FOXO1: variants seen among roughly 807,000 people sequenced by gnomAD.
The protein encoded by FOXO1 is forkhead box protein O1.
A neutral mutation model predicts 44.1 loss-of-function variants in FOXO1; 6 were observed. The observed-to-expected ratio is 0.14, with a 90% CI of 0.07 to 0.27. The LOEUF (loss-of-function observed/expected upper bound fraction) is 0.27, where lower values mean the gene tolerates loss of function less well. Among genes scored for constraint, FOXO1 ranks in the 10% least tolerant of loss-of-function variants. The pLI, the probability that FOXO1 is intolerant of heterozygous loss-of-function variation, is 1.00. For missense variants in FOXO1, 737 were observed against 888.8 expected (o/e 0.83, Z 2.17); for synonymous variants, 380 against 362.7 (o/e 1.05, Z -0.54).
chr13:40,666,371 T>A lies in FOXO1; in HGVS notation c.-159A>T. Reference sequence around the variant, plus strand: ...AAACTGGGAGGAAGGCGCGGCGGAGTGGAAGCGCGAGCCCAGAACTTAACT... The same window carrying A: ...AAACTGGGAGGAAGGCGCGGCGGAGAGGAAGCGCGAGCCCAGAACTTAACT... On this transcript the variant is annotated 5_prime_UTR_variant, in exon 1 of 3. Transcript: ENST00000379561. The A allele has an allele frequency of 1.9e-6, 1 of 530,046 alleles. No individual in the cohort carries two copies. The highest frequency in any genetic ancestry group is 3.5e-5 in the East Asian group (1 of 28,234). 32.8% of individuals were successfully genotyped at this position (530,046 alleles called of 1,614,324 possible).
intron 1 of FOXO1, among the ~76,000 whole-genome samples, chr13:40,615,073 G>A (rs922432475): frequency 1.3e-5 from 2 of 152,186 alleles, no homozygotes; most frequent in African/African-American, 4.8e-5. Flanking sequence ...TGCAGAGGTA[G>A]ATAAAATGCA....
intron 1 of FOXO1, chr13:40,619,457 T>C: frequency 4.0e-6 from 5 of 1,246,610 alleles, no homozygotes; most frequent in Non-Finnish European, 5.8e-6. Context: ...TGGAGAGCTG[T>C]GAGTCGAACA....
intron 1 of FOXO1, among the ~76,000 whole-genome samples, chr13:40,589,877 G>A (rs1305414958): frequency 6.6e-6 from 1 of 152,220 alleles, no homozygotes. Flanking sequence ...ACTCAAGCAT[G>A]ACTGGACAAG....
At chr13:40,578,247 C>T (rs1457848558) in intron 1 of FOXO1, among the ~76,000 whole-genome samples, 1 of 152,126 alleles carries the variant, frequency 6.6e-6, no homozygotes, top group Non-Finnish European at 1.5e-5. Flanking sequence ...TTTCTTAAGT[C>T]CATCCCTAAG....
intron 1 of FOXO1, among the ~76,000 whole-genome samples, chr13:40,603,472 G>A (rs1259926129): frequency 6.6e-6 from 1 of 151,550 alleles, no homozygotes; most frequent in African/African-American, 2.4e-5. Flanking sequence ...ATGTGTGTGT[G>A]TACATATATA....
At chr13:40,634,676 T>C (rs1359444074) in intron 1 of FOXO1, among the ~76,000 whole-genome samples, 1 of 151,482 alleles carries the variant, frequency 6.6e-6, no homozygotes, top group African/African-American at 2.4e-5. Context: ...CAAAGGTGGC[T>C]TTAGTACTTT....
intron 1 of FOXO1, among the ~76,000 whole-genome samples, chr13:40,663,162 C>T (rs1456563568): frequency 6.6e-6 from 1 of 151,054 alleles, no homozygotes; most frequent in Non-Finnish European, 1.5e-5. Context: ...CAAGGGCCTC[C>T]AATTCCAGAC....
intron 1 of FOXO1, among the ~76,000 whole-genome samples, chr13:40,624,969 G>C (rs774863775): frequency 2.5e-4 from 38 of 152,150 alleles, no homozygotes; most frequent in Non-Finnish European, 4.0e-4. Flanking sequence ...CATGGTTTTG[G>C]ATGCTAGGTA....
chr13:40,586,867 T>A (rs1018927230), intron 1 of FOXO1, among the ~76,000 whole-genome samples: 31 of 152,208 alleles, frequency 2.0e-4, no homozygotes, highest in African/African-American at 7.0e-4. Flanking sequence ...ATTTAGATTA[T>A]GTTTACAGCC....
At chr13:40,651,656 C>A (rs1877692024) in intron 1 of FOXO1, among the ~76,000 whole-genome samples, 1 of 151,570 alleles carries the variant, frequency 6.6e-6, no homozygotes, top group African/African-American at 2.4e-5. Context: ...ACATGACATA[C>A]AAATATACAT....
intron 1 of FOXO1, among the ~76,000 whole-genome samples, chr13:40,627,697 G>A (rs557278125): frequency 6.6e-6 from 1 of 152,168 alleles, no homozygotes; most frequent in Admixed American, 6.5e-5. Flanking sequence ...GCCAGGCATG[G>A]TGGCAGGCGT....
intron 1 of FOXO1, among the ~76,000 whole-genome samples, chr13:40,613,054 GC>G (rs1237720731): frequency 2.0e-5 from 3 of 152,186 alleles, no homozygotes; most frequent in Non-Finnish European, 4.4e-5. Context: ...ACTTTAATCA[GC>G]CACAATTTGA....
intron 1 of FOXO1, among the ~76,000 whole-genome samples, chr13:40,659,416 C>T (rs1042288803): frequency 6.7e-6 from 1 of 150,122 alleles, no homozygotes; most frequent in Admixed American, 6.6e-5. Context: ...AGAACAAAAA[C>T]CAGAATTGGG....
chr13:40,564,327 T>C lies in FOXO1; in HGVS notation c.631-3467A>G, dbSNP rs533425563. On this transcript the variant is annotated intron_variant, in intron 1 of 2. Transcript: ENST00000379561. ...CAGTCTCCTACTTATCAAAACATCA[T>C]ATTACATATTTTTCTAAGAGGACAT... Among the ~76,000 whole-genome samples, 6 of 151,934 alleles carry C rather than the reference T, an allele frequency of 3.9e-5. No individual in the cohort carries two copies. The South Asian group carries it at 1.2e-3, about 32-fold the overall frequency.
intron 1 of FOXO1, among the ~76,000 whole-genome samples, chr13:40,635,617 T>C (rs1420068159): frequency 2.0e-5 from 3 of 152,168 alleles, no homozygotes; most frequent in African/African-American, 7.2e-5. Flanking sequence ...TCTGGAAGAG[T>C]ATTTTTACAG....
chr13:40,618,358 G>C (rs764779634), intron 1 of FOXO1, among the ~76,000 whole-genome samples: 1 of 152,222 alleles, frequency 6.6e-6, no homozygotes, highest in Non-Finnish European at 1.5e-5. Context: ...TTATAGGCAT[G>C]AGCCATGACA....
rs76474749 is a variant in FOXO1, at chr13:40,625,556, A to C, written c.630+40027T>G. Among the ~76,000 whole-genome samples, 116 of 152,150 alleles carry C rather than the reference A, an allele frequency of 7.6e-4. 1 individual carries two copies. Among genetic ancestry groups the C allele is most frequent in the African/African-American group, 2.7e-3 (113 of 41,522 alleles). On this transcript the variant is annotated intron_variant, in intron 1 of 2. Transcript: ENST00000379561. Reference sequence around the variant, plus strand: ...TAAAACAGAGGTTTTTTTTACAATAATCCGTTATTAGCTTAGACTCAATTA... The same window carrying C: ...TAAAACAGAGGTTTTTTTTACAATACTCCGTTATTAGCTTAGACTCAATTA...
intron 1 of FOXO1, among the ~76,000 whole-genome samples, chr13:40,628,753 A>T (rs779734812): frequency 8.5e-5 from 13 of 152,204 alleles, no homozygotes; most frequent in Non-Finnish European, 1.9e-4. Context: ...ATAATACAAA[A>T]CACTACTGGG....
chr13:40,647,209 C>T (rs957692304), intron 1 of FOXO1, among the ~76,000 whole-genome samples: 4 of 152,156 alleles, frequency 2.6e-5, no homozygotes, highest in Admixed American at 6.5e-5. Flanking sequence ...AATTCTTCCC[C>T]TCATCCTCCT....
Sources: allele counts gnomAD v4.1 joint callset (sites outside exome capture counted in the v4.1 genomes callset), GRCh38; gene constraint gnomAD v4.1.1; transcripts MANE v1.5; gene names NCBI Gene and HGNC (gene_info 2026-07-23, HGNC 2026-07-21).